Variants in ZNF276 observed in about 807,000 individuals in gnomAD.
The protein encoded by ZNF276 is zinc finger protein 276.
Under a neutral mutation model 63.9 loss-of-function variants are expected in ZNF276, and 59 were observed. The observed-to-expected ratio is 0.92, with a 90% CI of 0.75 to 1.15. The LOEUF is 1.15. ZNF276 is among the 50% of genes most tolerant of loss of function. The pLI, the probability that ZNF276 is intolerant of heterozygous loss-of-function variation, is 0.00. For missense variants in ZNF276, 1,084 were observed against 843.8 expected (o/e 1.28, Z -3.53); for synonymous variants, 496 against 348.4 (o/e 1.42, Z -4.72).
rs2061287614 is a variant in ZNF276 at position 89,721,790 on chromosome 16, C to G, written c.150C>G (p.Ala50=). 2 of 1,259,008 alleles carry G rather than the reference C, an allele frequency of 1.6e-6. No individual in the cohort carries two copies. The highest frequency in any genetic ancestry group is 3.1e-5 in the African/African-American group (2 of 64,056). The allele number at this position is 1,259,008 out of a possible 1,614,324, so 78.0% of individuals were successfully genotyped here. The change falls in exon 1 of 11, where the codon GCC becomes GCG. Residue 50 remains alanine (A), a synonymous_variant. Coordinates refer to ENST00000443381, the MANE Select transcript of ZNF276 (RefSeq NM_001113525.2). ...TGGACGGGGCGACGGCGCGGCGCGC[C>G]TGGGGCCCGGTGGGGTCCTGCGGGG... The part of the protein sequence containing the change: ...PRVDGATARR[A]WGPVGSCGDA...
chr16:89,730,705 C>T (rs2061617642), intron 6 of ZNF276, among the ~76,000 whole-genome samples: 2 of 152,178 alleles, frequency 1.3e-5, no homozygotes, highest in Admixed American at 6.5e-5. Flanking sequence ...CAAGCATGGC[C>T]TCCTGACTGC....
chr16:89,734,474 C>T (rs891946101), intron 9 of ZNF276, among the ~76,000 whole-genome samples: 9 of 152,242 alleles, frequency 5.9e-5, no homozygotes, highest in African/African-American at 1.4e-4. Flanking sequence ...TACAGGCACC[C>T]GCAACCATGC....
intron 9 of ZNF276, among the ~76,000 whole-genome samples, chr16:89,736,381 G>C (rs2061891518): frequency 6.7e-6 from 1 of 149,400 alleles, no homozygotes; most frequent in African/African-American, 2.5e-5. Flanking sequence ...CTGGAGTGCA[G>C]CTGTGCAATC....
intron 5 of ZNF276, among the ~76,000 whole-genome samples, chr16:89,728,156 C>T (rs2061524194): frequency 1.3e-5 from 2 of 151,030 alleles, no homozygotes; most frequent in South Asian, 2.1e-4. Flanking sequence ...TCAGGACCAC[C>T]AGGACACAAA....
chr16:89,723,793 A>T (rs2061382640), intron 4 of ZNF276, 84 bp downstream of exon 4: 11 of 1,378,180 alleles, frequency 8.0e-6, no homozygotes, highest in Non-Finnish European at 1.1e-5. Flanking sequence ...GAATGTCTCC[A>T]CTGCTCTAGG....
At position 89,740,270 on chromosome 16, in the gene ZNF276, G is replaced by A. The variant is rs1363708776; in HGVS notation, c.*2024G>A. The A allele has an allele frequency of 1.5e-6, 1 of 659,254 alleles. No individual in the cohort carries two copies. Among genetic ancestry groups the A allele is most frequent in the African/African-American group, 1.8e-5 (1 of 55,950 alleles). The allele number at this position is 659,254 out of a possible 1,614,324, so 40.8% of individuals were successfully genotyped here. A position where few individuals can be genotyped will look rare whatever the true frequency, so the allele number is the denominator to read the frequency against. On this transcript the variant is annotated 3_prime_UTR_variant, in exon 11 of 11. Coordinates refer to ENST00000443381, the MANE Select transcript of ZNF276 (RefSeq NM_001113525.2). ...AATACTGGGCCTCTGGACAGAAGAGGCTCAGGTAGGAGGCCAGGGACTTCG... is the reference window on the plus strand; with the variant it reads ...AATACTGGGCCTCTGGACAGAAGAGACTCAGGTAGGAGGCCAGGGACTTCG...
In ZNF276 at chr16:89,723,335, G is replaced by C; in HGVS notation, c.632G>C (p.Gly211Ala). ...GWVHGHAASC[G>A]ALPHLQRTLS... Reference sequence around the variant, plus strand: ...GTGCATGGACATGCGGCCAGCTGCGGGGCCCTGCCCCACCTTCAGAGGACA... The same window carrying C: ...GTGCATGGACATGCGGCCAGCTGCGCGGCCCTGCCCCACCTTCAGAGGACA... Residue 211 changes from glycine to alanine, a missense_variant, in exon 4 of 11, where the codon GGG becomes GCG. Gly to Ala is a moderately conservative substitution (Grantham distance 60). Coordinates refer to ENST00000443381, the MANE Select transcript of ZNF276 (RefSeq NM_001113525.2). The C allele has an allele frequency of 1.2e-6, 2 of 1,613,010 alleles. No homozygotes were observed. The highest frequency in any genetic ancestry group is 1.7e-5 in the Admixed American group (1 of 60,026).
In ZNF276 at chr16:89,739,498, C is replaced by T. The variant is rs1401417399; in HGVS notation, c.*1252C>T. The T allele has an allele frequency of 6.4e-7, 1 of 1,551,312 alleles. No homozygotes were observed. On this transcript the variant is annotated 3_prime_UTR_variant, in exon 11 of 11. Transcript: ENST00000443381. ...GGTACCTGTAAAAAGCGAAAGGCAGCAGCCTGGTGTGCTGATCCGGGGCCA... is the reference window on the plus strand; with the variant it reads ...GGTACCTGTAAAAAGCGAAAGGCAGTAGCCTGGTGTGCTGATCCGGGGCCA...
Position 89,739,072 on chromosome 16 carries a change from G to C in ZNF276, c.*826G>C. The C allele has an allele frequency of 6.2e-7, 1 of 1,613,890 alleles. No individual in the cohort carries two copies. The highest frequency in any genetic ancestry group is 8.5e-7 in the Non-Finnish European group (1 of 1,179,828). On this transcript the variant is annotated 3_prime_UTR_variant, in exon 11 of 11. Transcript: ENST00000443381. The stretch of plus-strand genomic sequence containing the variant: ...GCATGCTGTGCCGGAACATTCTTTG[G>C]CAGAAGGAGCCTCCGGCTGGGGGGA...
In ZNF276 at chr16:89,733,026, G is replaced by GCAC; in HGVS notation, c.1170-275_1170-274insACC. The GCAC allele has an allele frequency of 7.0e-6, 2 of 287,272 alleles. 1 individual carries two copies. 17.8% of individuals were successfully genotyped at this position (287,272 alleles called of 1,614,324 possible). On this transcript the variant is annotated intron_variant, in intron 6 of 10. Coordinates refer to ENST00000443381, the MANE Select transcript of ZNF276 (RefSeq NM_001113525.2). ...TGCGCCCTCGCCCTCTGCTGTGTTT[G>GCAC]CCCTGACCCTGCTGTACCCTGCGCC...
chr16:89,720,598 G>T, upstream of ZNF276: 1 of 1,226,910 alleles, frequency 8.2e-7, no homozygotes, highest in Non-Finnish European at 1.0e-6. Flanking sequence ...TGCACGCCCG[G>T]CTGCGCCCCG....
chr16:89,734,731 G>A (rs1249970406), intron 9 of ZNF276, among the ~76,000 whole-genome samples: 4 of 152,226 alleles, frequency 2.6e-5, no homozygotes, highest in Non-Finnish European at 5.9e-5. Context: ...TCACATGTGT[G>A]TAGGTCGTGT....
rs1487352694 is a variant in ZNF276, at chr16:89,721,606, G to A, written c.-35G>A. On this transcript the variant is annotated 5_prime_UTR_variant, in exon 1 of 11. Coordinates refer to ENST00000443381, the MANE Select transcript of ZNF276 (RefSeq NM_001113525.2). ...TCCTCTAGGAACCTCGGGCCGGGCA[G>A]CACCCGCGGGATTCTGCTGGCGTCC... 14 of 1,471,674 alleles carry A rather than the reference G, an allele frequency of 9.5e-6. No homozygotes were observed. The highest frequency in any genetic ancestry group is 4.4e-5 in the African/African-American group (3 of 68,100). The allele number at this position is 1,471,674 out of a possible 1,614,324, so 91.2% of individuals were successfully genotyped here. A position where few individuals can be genotyped will look rare whatever the true frequency, so the allele number is the denominator to read the frequency against.
chr16:89,738,936 A>C lies in ZNF276; in HGVS notation c.*690A>C, dbSNP rs1255828474. Reference sequence around the variant, plus strand: ...GGCACCGAGGTATTAACTGCAGCAGAAAAAGACGAGCTTTTGTTATCAGTT... The same window carrying C: ...GGCACCGAGGTATTAACTGCAGCAGCAAAAGACGAGCTTTTGTTATCAGTT... On this transcript the variant is annotated 3_prime_UTR_variant, in exon 11 of 11. Transcript: ENST00000443381. 1.9e-6 allele frequency: 3 copies of C among 1,614,148 alleles called. No individual in the cohort carries two copies. The Admixed American group carries it at 5.0e-5, about 27-fold the overall frequency.
chr16:89,733,322 A>AAAGC lies in ZNF276; in HGVS notation c.1193_1196dup (p.Glu400GlnfsTer7). 1 of 1,614,126 alleles carries AAAGC rather than the reference A, an allele frequency of 6.2e-7. No individual in the cohort carries two copies. Among genetic ancestry groups the AAAGC allele is most frequent in the East Asian group, 2.2e-5 (1 of 44,892 alleles). On this transcript the variant is annotated frameshift_variant, in exon 7 of 11. Coordinates refer to ENST00000443381, the MANE Select transcript of ZNF276 (RefSeq NM_001113525.2). LOFTEE classifies it high-confidence loss of function. ...TTCAGAGTCTCTGGTAAGAAGAGTG[A>AAAGC]AAGCAAAGAAGCCAAGAAGTCTGAA...
intron 9 of ZNF276, among the ~76,000 whole-genome samples, chr16:89,734,354 C>CA (rs2061778136): frequency 6.6e-6 from 1 of 152,096 alleles, no homozygotes; most frequent in African/African-American, 2.4e-5. Context: ...GAGACGGAGT[C>CA]CTGCTCTGTT....
intron 6 of ZNF276, chr16:89,731,488 C>G (rs2061649225): frequency 6.6e-6 from 1 of 152,292 alleles, no homozygotes; most frequent in Admixed American, 6.5e-5. Context: ...CTCCTGACCT[C>G]ATGATCCGCC....
chr16:89,731,307 G>A (rs2061642742), intron 6 of ZNF276, among the ~76,000 whole-genome samples: 1 of 152,258 alleles, frequency 6.6e-6, no homozygotes, highest in Admixed American at 6.5e-5. Flanking sequence ...AGACTGGAGT[G>A]CAGTGGCACG....
Position 89,739,319 on chromosome 16 carries a change from TAC to T in ZNF276, c.*1075_*1076del. On this transcript the variant is annotated 3_prime_UTR_variant, in exon 11 of 11. Transcript: ENST00000443381. The stretch of plus-strand genomic sequence containing the variant: ...AGGTAAAGACATAGTGACAAATGGC[TAC>T]AGACTGCTGGAAAGGTAGCAGGTGA... 6.2e-7 allele frequency: 1 copy of T among 1,613,804 alleles called. No homozygotes were observed. Among genetic ancestry groups the T allele is most frequent in the Non-Finnish European group, 8.5e-7 (1 of 1,179,834 alleles).
Sources: gnomAD v4.1 joint callset for allele counts (sites outside exome capture counted in the v4.1 genomes callset) on GRCh38, gnomAD v4.1.1 for gene constraint, MANE v1.5 for transcripts, NCBI Gene and HGNC (gene_info 2026-07-23, HGNC 2026-07-21) for gene names.